The following XYLB variants were observed in gnomAD, a reference collection of about 807,000 sequenced individuals.
XYLB encodes xylulose kinase.
Under a neutral mutation model 78.7 loss-of-function variants are expected in XYLB, and 62 were observed. The observed-to-expected ratio is 0.79, with a 90% CI of 0.64 to 0.97. The LOEUF (loss-of-function observed/expected upper bound fraction) is 0.97, where lower values mean the gene tolerates loss of function less well. Ranked by LOEUF, XYLB falls within the 50% of genes least tolerant of loss-of-function variation. XYLB has a pLI of 0.00. For missense variants in XYLB, 687 were observed against 676.8 expected (o/e 1.02, Z -0.17); for synonymous variants, 245 against 247.4 (o/e 0.99, Z 0.09).
intron 17 of XYLB, among the ~76,000 whole-genome samples, chr3:38,398,449 C>A (rs1372809321): frequency 6.6e-6 from 1 of 151,628 alleles, no homozygotes; most frequent in African/African-American, 2.4e-5. Flanking sequence ...GCCTGGGTGA[C>A]AAAGTGAGAT....
chr3:38,429,749 C>G, the XYLB span, among the ~76,000 whole-genome samples: 11 of 152,124 alleles, frequency 7.2e-5, no homozygotes, highest in African/African-American at 2.7e-4. Context: ...ATGTTCCCCT[C>G]CCTGTGTCCA....
rs959544009 is a variant in XYLB at position 38,374,852 on chromosome 3, A to G, written c.889-292A>G. ...AGGAAGACATAACCCAGACATTCCT[A>G]CTTCTAGTGGGAAAGTCATATGGGG... On this transcript the variant is annotated intron_variant, in intron 11 of 18. Transcript: ENST00000207870. Among the ~76,000 whole-genome samples the G allele has an allele frequency of 2.6e-5, 4 of 152,268 alleles. 1 individual carries two copies. The highest frequency in any genetic ancestry group is 1.9e-4 in the East Asian group (1 of 5,148).
intron 2 of XYLB, chr3:38,356,036 G>T: frequency 2.3e-6 from 1 of 433,442 alleles, no homozygotes; most frequent in Non-Finnish European, 4.2e-6. Flanking sequence ...CACATCACGA[G>T]GTCAGGAGAT....
At chr3:38,391,231 CAACAACA>C (rs1707639256) in intron 15 of XYLB, among the ~76,000 whole-genome samples, 1 of 1,068 alleles carries the variant, frequency 9.4e-4, no homozygotes, top group African/African-American at 1.2e-3. Flanking sequence ...ACAACAACAA[CAACAACA>C]AAAAAAAAGA....
At chr3:38,393,739 G>T (rs929244979) in intron 15 of XYLB, among the ~76,000 whole-genome samples, 2 of 152,090 alleles carry the variant, frequency 1.3e-5, no homozygotes, top group Non-Finnish European at 2.9e-5. Context: ...GTGTCCCTGT[G>T]TCTTCATTTT....
chr3:38,381,149 A>C (rs1304599484), intron 15 of XYLB, among the ~76,000 whole-genome samples: 3 of 152,208 alleles, frequency 2.0e-5, no homozygotes, highest in Non-Finnish European at 4.4e-5. Flanking sequence ...ATGGCAGAAG[A>C]ATGTGGATTG....
intron 15 of XYLB, among the ~76,000 whole-genome samples, chr3:38,382,938 G>A (rs761579076): frequency 6.6e-6 from 1 of 152,232 alleles, no homozygotes; most frequent in Non-Finnish European, 1.5e-5. Context: ...GGAACCAACA[G>A]AGGTTGCACG....
rs1706639405 is a variant in XYLB at position 38,372,750 on chromosome 3, G to T, written c.847+14G>T. On this transcript the variant is annotated intron_variant, in intron 10 of 18. Coordinates refer to ENST00000207870, the MANE Select transcript of XYLB (RefSeq NM_005108.4). ...GGGACAACCCAGGTGAGTATCTCGG[G>T]GAGTTTCACTCTCCAGTGAGCCTGA... The T allele has an allele frequency of 6.2e-7, 1 of 1,613,444 alleles. No individual in the cohort carries two copies. Among genetic ancestry groups the T allele is most frequent in the South Asian group, 1.1e-5 (1 of 91,054 alleles).
At chr3:38,446,116 T>A in the XYLB span, among the ~76,000 whole-genome samples, 2 of 152,178 alleles carry the variant, frequency 1.3e-5, no homozygotes, top group African/African-American at 4.8e-5. Context: ...GAGACCCAAG[T>A]GGGTTGCTGC....
At chr3:38,418,539 T>G (rs917787637), downstream of XYLB, among the ~76,000 whole-genome samples, 2 of 152,112 alleles carry the variant, frequency 1.3e-5, no homozygotes, top group African/African-American at 4.8e-5. Flanking sequence ...AACAGCGAAG[T>G]ACTTGGGAAA....
the XYLB span, among the ~76,000 whole-genome samples, chr3:38,440,203 A>G: frequency 1.3e-5 from 2 of 152,198 alleles, no homozygotes; most frequent in South Asian, 4.1e-4. Flanking sequence ...AGTTAGGATA[A>G]TACATGTTAC....
At chr3:38,370,812 C>T (rs196381) in intron 9 of XYLB, among the ~76,000 whole-genome samples, 22,322 of 152,204 alleles carry the variant, frequency 0.15, 1,917 homozygotes, top group Admixed American at 0.27. Context: ...TGGACACTGG[C>T]TGTGAATGCC....
intron 18 of XYLB, among the ~76,000 whole-genome samples, chr3:38,408,912 A>G (rs2125673566): frequency 6.6e-6 from 1 of 152,324 alleles, no homozygotes; most frequent in East Asian, 1.9e-4. Context: ...CCAACCAAAA[A>G]GAGTCCAGGA....
chr3:38,366,141 A>AG (rs1706250663), intron 6 of XYLB, among the ~76,000 whole-genome samples: 1 of 151,502 alleles, frequency 6.6e-6, no homozygotes, highest in Non-Finnish European at 1.5e-5. Flanking sequence ...AAAAAATAAT[A>AG]GTGTCTCTGT....
In XYLB at chr3:38,395,570, G is replaced by A. The variant is rs775408544; in HGVS notation, c.1350+7G>A. 8.1e-6 allele frequency: 13 copies of A among 1,613,884 alleles called. No individual in the cohort carries two copies. Among genetic ancestry groups the A allele is most frequent in the East Asian group, 2.2e-5 (1 of 44,892 alleles). ...CAATAGAGAAATCTTACAGGTAAGCGTTAGTAGTGGGCCTTACACCATGGC... is the reference window on the plus strand; with the variant it reads ...CAATAGAGAAATCTTACAGGTAAGCATTAGTAGTGGGCCTTACACCATGGC... On this transcript the variant is annotated splice_region_variant and intron_variant, in intron 16 of 18. Transcript: ENST00000207870.
At chr3:38,352,290 C>T (rs1009940116) in intron 2 of XYLB, among the ~76,000 whole-genome samples, 88 of 151,970 alleles carry the variant, frequency 5.8e-4, no homozygotes, top group Admixed American at 1.6e-3. Context: ...CTGCAAGTTC[C>T]GCCTCCCGGG....
chr3:38,351,956 G>C (rs1705388661), intron 2 of XYLB, among the ~76,000 whole-genome samples: 1 of 152,104 alleles, frequency 6.6e-6, no homozygotes, highest in Non-Finnish European at 1.5e-5. Context: ...CTTTTCTGTT[G>C]TTATAAGCAA....
At chr3:38,379,878 A>G (rs560570745) in intron 15 of XYLB, among the ~76,000 whole-genome samples, 23 of 152,326 alleles carry the variant, frequency 1.5e-4, no homozygotes, top group African/African-American at 5.5e-4. Flanking sequence ...TGGGTAATTT[A>G]TAAGGAAAAG....
intron 7 of XYLB, among the ~76,000 whole-genome samples, chr3:38,367,753 C>G (rs969878112): frequency 6.6e-6 from 1 of 152,206 alleles, no homozygotes; most frequent in African/African-American, 2.4e-5. Context: ...GAGGAGCCAG[C>G]TTTCCTGACG....
Sources: allele counts gnomAD v4.1 joint callset (sites outside exome capture counted in the v4.1 genomes callset), GRCh38; gene constraint gnomAD v4.1.1; transcripts MANE v1.5; gene names NCBI Gene and HGNC (gene_info 2026-07-23, HGNC 2026-07-21).